The following SEMA3A variants were observed in gnomAD, a reference collection of about 807,000 sequenced individuals.
SEMA3A encodes semaphorin 3A, also known as semaphorin-3A.
In SEMA3A, 29 loss-of-function variants were observed where a neutral mutation model predicts 97.9. The observed-to-expected ratio is 0.30, with a 90% CI of 0.22 to 0.40. SEMA3A has a LOEUF of 0.40. Ranked by LOEUF, SEMA3A falls within the 10% of genes least tolerant of loss-of-function variation. SEMA3A has a pLI of 1.00. For synonymous variants in SEMA3A, 321 were observed against 323.7 expected, an observed-to-expected ratio of 0.99 and a Z score of 0.09; for missense variants, 763 against 951.3, an observed-to-expected ratio of 0.80 and a Z score of 2.60.
chr7:84,336,813 T>C (rs1802047745), intron 2 of SEMA3A, among the ~76,000 whole-genome samples: 3 of 152,188 alleles, frequency 2.0e-5, no homozygotes, highest in African/African-American at 7.2e-5. Context: ...TAAAGTAGCA[T>C]GTCTTGTAAT....
At chr7:84,373,584 C>T (rs534850504) in intron 1 of SEMA3A, among the ~76,000 whole-genome samples, 79 of 152,170 alleles carry the variant, frequency 5.2e-4, no homozygotes, top group Middle Eastern at 6.8e-3. Flanking sequence ...GCCTTTGAAA[C>T]GTTGGCAAAG....
intron 4 of SEMA3A, among the ~76,000 whole-genome samples, chr7:84,098,955 CAAT>C (rs1353424967): frequency 2.0e-5 from 3 of 151,214 alleles, no homozygotes; most frequent in African/African-American, 7.3e-5. Flanking sequence ...ACCATGCCAA[CAAT>C]AATAGCCTCT....
intron 1 of SEMA3A, among the ~76,000 whole-genome samples, chr7:84,443,812 C>T (rs1466821755): frequency 6.6e-6 from 1 of 151,492 alleles, no homozygotes; most frequent in Non-Finnish European, 1.5e-5. Flanking sequence ...ATGATCTTTG[C>T]TCTAGACCAG....
intron 1 of SEMA3A, chr7:84,489,053 G>C (rs1421153323): frequency 1.3e-5 from 2 of 152,064 alleles, no homozygotes; most frequent in Non-Finnish European, 2.9e-5. Context: ...AGAGATACTG[G>C]AGACAGGATA....
At chr7:84,296,059 AG>A (rs1290320009) in intron 3 of SEMA3A, among the ~76,000 whole-genome samples, 1 of 152,178 alleles carries the variant, frequency 6.6e-6, no homozygotes, top group Non-Finnish European at 1.5e-5. Flanking sequence ...CAACTACAAG[AG>A]ATAAAACAGT....
intron 15 of SEMA3A, among the ~76,000 whole-genome samples, chr7:83,976,259 T>C (rs1022515283): frequency 2.0e-5 from 3 of 152,146 alleles, no homozygotes; most frequent in African/African-American, 7.2e-5. Context: ...CACATAAAAT[T>C]AGTAAATCAA....
rs531418924 is a variant in SEMA3A, at chr7:84,455,912, T to C, written c.-246+36548A>G. Among the ~76,000 whole-genome samples, 8 of 152,066 alleles carry C rather than the reference T, an allele frequency of 5.3e-5. No individual in the cohort carries two copies. In the South Asian group the frequency reaches 1.7e-3, roughly 31 times the overall value. The stretch of plus-strand genomic sequence containing the variant: ...ATATCTCTTCTTACCTACTTGGCAA[T>C]AGGCAATAGCTGAAATAGCTTGTGA... On this transcript the variant is annotated intron_variant, in intron 1 of 3. Transcript: ENST00000424555.
At chr7:84,313,356 GTATATATATATATATA>G (rs869145201) in intron 2 of SEMA3A, among the ~76,000 whole-genome samples, 308 of 23,038 alleles carry the variant, frequency 0.013, 4 homozygotes, top group Middle Eastern at 0.031. Flanking sequence ...ATGTGTGTGT[GTATATATATATATATA>G]TATATATATA....
At chr7:84,333,590 A>G (rs921304876) in intron 2 of SEMA3A, among the ~76,000 whole-genome samples, 1 of 152,214 alleles carries the variant, frequency 6.6e-6, no homozygotes, top group Non-Finnish European at 1.5e-5. Context: ...TACTTTCCAA[A>G]GAAAAATTGA....
At chr7:84,434,341 T>C (rs1378514523) in intron 1 of SEMA3A, among the ~76,000 whole-genome samples, 2 of 152,074 alleles carry the variant, frequency 1.3e-5, no homozygotes, top group Middle Eastern at 3.2e-3. Context: ...AATAGACCAA[T>C]ATTGAGTTCC....
intron 15 of SEMA3A, among the ~76,000 whole-genome samples, chr7:83,964,929 G>C (rs1471552313): frequency 6.6e-6 from 1 of 152,048 alleles, no homozygotes; most frequent in Non-Finnish European, 1.5e-5. Context: ...TCATTTGTAA[G>C]ATAGCTGCTT....
At chr7:84,164,125 G>A (rs961368835) in intron 1 of SEMA3A, among the ~76,000 whole-genome samples, 2 of 151,992 alleles carry the variant, frequency 1.3e-5, no homozygotes, top group East Asian at 1.9e-4. Context: ...GATTACAGAC[G>A]TGGGCCACCA....
intron 2 of SEMA3A, among the ~76,000 whole-genome samples, chr7:84,339,846 A>T (rs937369679): frequency 3.9e-5 from 6 of 152,166 alleles, no homozygotes; most frequent in Non-Finnish European, 8.8e-5. Context: ...TACATATAGC[A>T]TCTTTAAGGA....
intron 3 of SEMA3A, among the ~76,000 whole-genome samples, chr7:84,259,367 A>T (rs1799791874): frequency 6.6e-6 from 1 of 152,108 alleles, no homozygotes; most frequent in African/African-American, 2.4e-5. Flanking sequence ...TACCTCTTTC[A>T]TATCTCCACC....
intron 4 of SEMA3A, among the ~76,000 whole-genome samples, chr7:84,068,672 C>T (rs1217123000): frequency 6.6e-6 from 1 of 152,050 alleles, no homozygotes; most frequent in Non-Finnish European, 1.5e-5. Context: ...GACGTGCTAT[C>T]TCCTCAAAGC....
At chr7:84,289,023 A>T in intron 3 of SEMA3A, among the ~76,000 whole-genome samples, 1 of 152,062 alleles carries the variant, frequency 6.6e-6, no homozygotes, top group East Asian at 1.9e-4. Flanking sequence ...CCAGTGAAGT[A>T]CTATTCAGCT....
At chr7:84,234,461 G>T (rs987960641) in intron 3 of SEMA3A, among the ~76,000 whole-genome samples, 1 of 151,894 alleles carries the variant, frequency 6.6e-6, no homozygotes, top group Admixed American at 6.6e-5. Context: ...TCTTTACATT[G>T]ATTTGTCTTT....
At chr7:84,221,816 T>A (rs1457618367) in intron 3 of SEMA3A, among the ~76,000 whole-genome samples, 1 of 152,042 alleles carries the variant, frequency 6.6e-6, no homozygotes, top group East Asian at 1.9e-4. Flanking sequence ...AATATAATAA[T>A]CTAAAAGTTT....
intron 1 of SEMA3A, among the ~76,000 whole-genome samples, chr7:84,426,789 A>T: frequency 6.6e-6 from 1 of 152,272 alleles, no homozygotes; most frequent in East Asian, 1.9e-4. Flanking sequence ...TTGCAGAATA[A>T]ATATTTTAGC....
Sources: gnomAD v4.1 joint callset for allele counts (sites outside exome capture counted in the v4.1 genomes callset) on GRCh38, gnomAD v4.1.1 for gene constraint, MANE v1.5 for transcripts, NCBI Gene and HGNC (gene_info 2026-07-23, HGNC 2026-07-21) for gene names.